Variants in PATZ1 observed in about 807,000 individuals in gnomAD.
PATZ1 encodes the protein POZ-, AT hook-, and zinc finger-containing protein 1.
In PATZ1, 9 loss-of-function variants were observed where a neutral mutation model predicts 46.2. That is an observed-to-expected ratio of 0.19 (90% CI 0.12 to 0.34). The LOEUF (loss-of-function observed/expected upper bound fraction) is 0.34. Among genes scored for constraint, PATZ1 ranks in the 10% least tolerant of loss-of-function variants. The pLI is 1.00. For synonymous variants in PATZ1, 426 were observed against 378.6 expected (o/e 1.13, Z -1.45); for missense variants, 632 against 923.0 (o/e 0.68, Z 4.08).
chr22:31,339,659 G>T (rs1473949775), intron 2 of PATZ1, among the ~76,000 whole-genome samples: 1 of 152,150 alleles, frequency 6.6e-6, no homozygotes, highest in Non-Finnish European at 1.5e-5. Flanking sequence ...GAGCTGCCCG[G>T]CCCACAGCCC....
At position 31,344,761 on chromosome 22, in the gene PATZ1, C is replaced by T. The variant is rs149942239; in HGVS notation, c.842G>A (p.Gly281Glu). The T allele has an allele frequency of 8.1e-6, 13 of 1,609,306 alleles. No homozygotes were observed. Among genetic ancestry groups the T allele is most frequent in the Non-Finnish European group, 1.0e-5 (12 of 1,177,306 alleles). ...RKANLLDSMF[G>E]SPGGLREAGI... ...TGCCTCCCTCAGGCCCCCTGGGGAC[C>T]CAAACATTGAGTCCAGCAGGTTGGC... The change falls in exon 1 of 5, where the codon GGG (glycine) becomes GAG (glutamate). Residue 281 changes from glycine to glutamate, a missense_variant. Physicochemically the swap from Gly to Glu is moderately conservative, Grantham distance 98. Transcript: ENST00000266269.
At chr22:31,343,162 A>AT (rs1555893821) in intron 1 of PATZ1, 1 of 1,308,200 alleles carries the variant, frequency 7.6e-7, no homozygotes, top group Non-Finnish European at 9.8e-7. Flanking sequence ...TTTTCTCTGG[A>AT]GGGGGGAAGA....
At chr22:31,331,112 G>A (rs909515614) in intron 3 of PATZ1, among the ~76,000 whole-genome samples, 2 of 152,196 alleles carry the variant, frequency 1.3e-5, no homozygotes, top group African/African-American at 4.8e-5. Context: ...CTGATCATGG[G>A]TATAGATTGG....
rs761566659 is a variant in PATZ1 at position 31,328,166 on chromosome 22, C to T, written c.1645+621G>A. 1.9e-4 allele frequency among the ~76,000 whole-genome samples: 29 copies of T among 152,312 alleles called. No individual in the cohort carries two copies. The highest frequency in any genetic ancestry group is 2.9e-4 in the Non-Finnish European group (20 of 68,036). ...GCCCCTGGCCTCATCCCCAAGGCAA[C>T]GACAACGTGACATACCACAAAACAA... On this transcript the variant is annotated intron_variant, in intron 4 of 4. Transcript: ENST00000266269. The surrounding 1 kb of genome is among the most constrained non-coding windows in gnomAD (Gnocchi z 4.8).
At chr22:31,332,129 CAGTCTT>C (rs1478134043) in intron 3 of PATZ1, among the ~76,000 whole-genome samples, 1 of 152,128 alleles carries the variant, frequency 6.6e-6, no homozygotes, top group African/African-American at 2.4e-5. Flanking sequence ...TCCTGAAAAA[CAGTCTT>C]AGAAACACGT....
intron 1 of PATZ1, chr22:31,343,543 T>A: frequency 1.8e-6 from 1 of 549,904 alleles, no homozygotes; most frequent in Non-Finnish European, 2.3e-6. Flanking sequence ...TCTGAGGGAG[T>A]TCTCCATCCC....
intron 2 of PATZ1, chr22:31,341,797 A>G: frequency 1.6e-5 from 14 of 863,046 alleles, no homozygotes; most frequent in Non-Finnish European, 2.5e-5. Flanking sequence ...CCTGAGTCAG[A>G]ATGTGCTCTG....
intron 2 of PATZ1, among the ~76,000 whole-genome samples, chr22:31,342,037 C>A (rs1485863258): frequency 6.6e-6 from 1 of 152,168 alleles, no homozygotes; most frequent in Non-Finnish European, 1.5e-5. Flanking sequence ...AGCAGGTTAT[C>A]CTATCAGAGA....
intron 2 of PATZ1, among the ~76,000 whole-genome samples, chr22:31,342,051 C>T (rs1247994888): frequency 1.3e-5 from 2 of 152,160 alleles, no homozygotes; most frequent in African/African-American, 4.8e-5. Flanking sequence ...TCAGAGACTG[C>T]AGTGCACACC....
At chr22:31,343,375 C>T (rs1313048948) in intron 1 of PATZ1, 18 of 988,088 alleles carry the variant, frequency 1.8e-5, no homozygotes, top group Admixed American at 1.2e-4. Flanking sequence ...CAGCCTCTCC[C>T]GCCACGGGCA....
intron 1 of PATZ1, among the ~76,000 whole-genome samples, 171 bp downstream of exon 1, chr22:31,344,161 C>T (rs148722457): frequency 0.012 from 1,876 of 152,320 alleles, 35 homozygotes; most frequent in Admixed American, 0.049. Context: ...GAAAGCAGGT[C>T]TCAGGCATAC....
chr22:31,332,168 C>G (rs2049452264), intron 3 of PATZ1, among the ~76,000 whole-genome samples: 1 of 152,068 alleles, frequency 6.6e-6, no homozygotes. Context: ...TTGACTTTAC[C>G]CCAGCTGCAG....
chr22:31,341,474 C>T (rs754244067), intron 2 of PATZ1: 10 of 1,610,758 alleles, frequency 6.2e-6, no homozygotes, highest in East Asian at 2.2e-5. Flanking sequence ...TCAGATATCC[C>T]GGCGGGGCTG....
chr22:31,328,922 A>G lies in PATZ1; in HGVS notation c.1510T>C (p.Phe504Leu). Residue 504 changes from phenylalanine to leucine, a missense_variant and splice_region_variant, in exon 4 of 5, where the codon TTC becomes CTC. By Grantham distance (22) the Phe-to-Leu change is conservative. Transcript: ENST00000266269. This position sits in a 1 kb window ranked among gnomAD's most constrained non-coding sequence, Gnocchi z 4.8. ...ACCTTTAAGTAGGAGGCAGAGGAGA[A>G]ACCTAAACAAGACAAAAGGAGATGA... ...SNFCSICNRG[F>L]SSASYLKVHV... 1 of 1,612,864 alleles carries G rather than the reference A, an allele frequency of 6.2e-7. No homozygotes were observed. Among genetic ancestry groups the G allele is most frequent in the Non-Finnish European group, 8.5e-7 (1 of 1,179,338 alleles).
At chr22:31,329,675 G>A (rs138859606) in intron 3 of PATZ1, among the ~76,000 whole-genome samples, 1 of 152,284 alleles carries the variant, frequency 6.6e-6, no homozygotes, top group East Asian at 1.9e-4. Context: ...TATTTTGGGG[G>A]AGGACAATCC....
At chr22:31,341,423 G>A in intron 2 of PATZ1, 1 of 1,566,414 alleles carries the variant, frequency 6.4e-7, no homozygotes, top group Non-Finnish European at 8.6e-7. Flanking sequence ...CAGGCCACTG[G>A]GTAAAGGCCC....
intron 1 of PATZ1, chr22:31,343,275 C>T (rs1569029068): frequency 2.2e-5 from 24 of 1,103,396 alleles, no homozygotes; most frequent in Non-Finnish European, 2.7e-5. Context: ...TAGAATGAAA[C>T]AGAGCTGCCT....
At position 31,344,859 on chromosome 22, in the gene PATZ1, A is replaced by G. The variant is rs2049630226; in HGVS notation, c.744T>C (p.Thr248=). The change falls in exon 1 of 5, where the codon ACT becomes ACC. Residue 248 remains threonine, a synonymous_variant. Coordinates refer to ENST00000266269, the MANE Select transcript of PATZ1 (RefSeq NM_014323.3). ...TGGATGCCACACTGGGGAATGGGGA[A>G]GTCAGCAGTTGGGGGGATAGGGGTC... ...VAGPLSPQLL[T]SPFPSVASSA... The G allele has an allele frequency of 6.2e-7, 1 of 1,612,862 alleles. No individual in the cohort carries two copies. The highest frequency in any genetic ancestry group is 8.5e-7 in the Non-Finnish European group (1 of 1,179,932).
chr22:31,329,578 C>T (rs1396659034), intron 3 of PATZ1, among the ~76,000 whole-genome samples: 1 of 152,192 alleles, frequency 6.6e-6, no homozygotes, highest in Non-Finnish European at 1.5e-5. Context: ...GTGCAGTCAT[C>T]TCTTATTCAT....
Sources: gnomAD v4.1 joint callset for allele counts (sites outside exome capture counted in the v4.1 genomes callset) on GRCh38, gnomAD v4.1.1 for gene constraint, Gnocchi (gnomAD v3.1) non-coding constraint, MANE v1.5 for transcripts, NCBI Gene and HGNC (gene_info 2026-07-23, HGNC 2026-07-21) for gene names.